The following NELL1 variants were observed in gnomAD, a reference collection of about 807,000 sequenced individuals.
The protein encoded by NELL1 is protein kinase C-binding protein NELL1.
NELL1 carries 76 observed loss-of-function variants against 107.4 expected under a neutral mutation model. The observed-to-expected ratio is 0.71, with a 90% CI of 0.59 to 0.86. The LOEUF is 0.86. NELL1 is among the 40% of genes least tolerant of loss of function. NELL1 has a pLI of 0.00. For synonymous variants in NELL1, 353 were observed against 341.2 expected (o/e 1.03, Z -0.38); for missense variants, 1,024 against 1,005.5 (o/e 1.02, Z -0.25).
intron 15 of NELL1, among the ~76,000 whole-genome samples, chr11:21,426,311 A>T (rs1020130868): frequency 6.6e-6 from 1 of 152,202 alleles, no homozygotes; most frequent in Non-Finnish European, 1.5e-5. Context: ...TGTCTCATTC[A>T]TCATTATATC....
intron 3 of NELL1, among the ~76,000 whole-genome samples, chr11:20,792,920 T>C (rs1401315635): frequency 6.6e-6 from 1 of 152,000 alleles, no homozygotes; most frequent in East Asian, 1.9e-4. Flanking sequence ...TTTGAGTTAA[T>C]TCAAGGCTTT....
At chr11:21,331,774 C>T (rs1294460321) in intron 14 of NELL1, among the ~76,000 whole-genome samples, 2 of 152,040 alleles carry the variant, frequency 1.3e-5, no homozygotes, top group Non-Finnish European at 2.9e-5. Flanking sequence ...TTTCCCAGTT[C>T]ACTCTGATAA....
At chr11:21,021,852 G>C (rs893587591) in intron 12 of NELL1, among the ~76,000 whole-genome samples, 1 of 152,052 alleles carries the variant, frequency 6.6e-6, no homozygotes, top group Admixed American at 6.6e-5. Context: ...TGCGTCCTTG[G>C]CAGCAGACTT....
intron 4 of NELL1, among the ~76,000 whole-genome samples, chr11:20,881,860 C>CCAGCA (rs1183408650): frequency 1.3e-5 from 2 of 152,190 alleles, no homozygotes; most frequent in African/African-American, 4.8e-5. Context: ...ATCCCCATAG[C>CCAGCA]CAGCACAGCA....
rs75687611 is a variant in NELL1 at position 21,473,569 on chromosome 11, A to C, written c.1646-60805A>C. ...GAGGGCACCTGTTTTTGTTTGAGGG[A>C]AGGAAGGGATACTTCAAATATTCCC... is the stretch of plus-strand genomic sequence containing the variant. On this transcript the variant is annotated intron_variant, in intron 15 of 19. Coordinates refer to ENST00000357134, the MANE Select transcript of NELL1 (RefSeq NM_006157.5). Among the ~76,000 whole-genome samples the C allele has an allele frequency of 7.9e-5, 12 of 152,156 alleles. No homozygotes were observed. The East Asian group carries it at 1.7e-3, about 22-fold the overall frequency.
At chr11:20,785,868 A>T (rs12224057) in intron 3 of NELL1, among the ~76,000 whole-genome samples, 43,550 of 151,818 alleles carry the variant, frequency 0.29, 7,035 homozygotes, top group African/African-American at 0.43. Flanking sequence ...CTGTATTTGC[A>T]GGGTTTCTCT....
intron 2 of NELL1, among the ~76,000 whole-genome samples, chr11:20,765,072 T>C (rs1856501888): frequency 6.6e-6 from 1 of 152,024 alleles, no homozygotes; most frequent in African/African-American, 2.4e-5. Context: ...GTAGGAGGAT[T>C]GCTTAATCCC....
chr11:20,802,944 T>C (rs1349201929), intron 3 of NELL1, among the ~76,000 whole-genome samples: 1 of 152,236 alleles, frequency 6.6e-6, no homozygotes, highest in East Asian at 1.9e-4. Flanking sequence ...ATGATCTTTT[T>C]AATGTATTGC....
At chr11:21,121,738 TC>T (rs1855372604) in intron 13 of NELL1, among the ~76,000 whole-genome samples, 1 of 152,014 alleles carries the variant, frequency 6.6e-6, no homozygotes, top group Non-Finnish European at 1.5e-5. Context: ...TGACTGGACT[TC>T]TCTACCTGTC....
At chr11:20,710,711 T>A (rs746860699) in intron 2 of NELL1, among the ~76,000 whole-genome samples, 1 of 152,174 alleles carries the variant, frequency 6.6e-6, no homozygotes, top group Non-Finnish European at 1.5e-5. Flanking sequence ...TGTTTCAATC[T>A]TGCTACTTGT....
intron 2 of NELL1, among the ~76,000 whole-genome samples, chr11:20,770,053 A>T (rs1011621349): frequency 2.6e-5 from 4 of 152,210 alleles, no homozygotes; most frequent in Admixed American, 2.6e-4. Flanking sequence ...ACCCTAGGAC[A>T]CGCAAGAACC....
intron 14 of NELL1, among the ~76,000 whole-genome samples, chr11:21,290,625 G>A (rs1439166937): frequency 6.6e-6 from 1 of 152,000 alleles, no homozygotes; most frequent in Non-Finnish European, 1.5e-5. Context: ...TGCCCCTCTG[G>A]GGCAAAGCTT....
intron 13 of NELL1, among the ~76,000 whole-genome samples, chr11:21,223,622 G>T (rs1857817386): frequency 6.6e-6 from 1 of 151,026 alleles, no homozygotes; most frequent in African/African-American, 2.4e-5. Flanking sequence ...TTTTCTGGTT[G>T]TTTTTTATAC....
At chr11:21,521,464 C>T (rs79854310) in intron 15 of NELL1, among the ~76,000 whole-genome samples, 4,869 of 152,126 alleles carry the variant, frequency 0.032, 265 homozygotes, top group African/African-American at 0.11. Flanking sequence ...GTTTATGCTA[C>T]AGTGATTGGG....
At chr11:20,680,742 T>C (rs1854170725) in intron 2 of NELL1, among the ~76,000 whole-genome samples, 1 of 152,270 alleles carries the variant, frequency 6.6e-6, no homozygotes, top group South Asian at 2.1e-4. Context: ...ATCGTTCATT[T>C]TTCATGAAGG....
chr11:20,708,537 A>G (rs145669274), intron 2 of NELL1, among the ~76,000 whole-genome samples: 246 of 151,550 alleles, frequency 1.6e-3, no homozygotes, highest in African/African-American at 5.6e-3. Flanking sequence ...AGAATTGTCT[A>G]TTCATGTCCT....
At chr11:20,920,028 G>A (rs897774265) in intron 7 of NELL1, among the ~76,000 whole-genome samples, 6 of 152,112 alleles carry the variant, frequency 3.9e-5, no homozygotes, top group Admixed American at 2.0e-4. Context: ...AGCCAAATGT[G>A]TAAACAACTA....
At chr11:20,670,636 G>GCAGC (rs1393692972) in intron 1 of NELL1, 2 of 152,288 alleles carry the variant, frequency 1.3e-5, no homozygotes, top group Non-Finnish European at 2.9e-5. Context: ...AGACTGGCTT[G>GCAGC]CAGCCGCCTT....
Position 21,485,905 on chromosome 11 carries a change from G to C in NELL1, c.1646-48469G>C, listed in dbSNP as rs145573993. On this transcript the variant is annotated intron_variant, in intron 15 of 19. Coordinates refer to ENST00000357134, the MANE Select transcript of NELL1 (RefSeq NM_006157.5). ...CCTAAACACTTTTCCCAGGGTTTGA[G>C]GTTATGCCAACCCAACTGCTGATAC... 5.1e-3 allele frequency among the ~76,000 whole-genome samples: 769 copies of C among 152,148 alleles called. 4 individuals are homozygous for C. Among genetic ancestry groups the C allele is most frequent in the African/African-American group, 0.018 (738 of 41,484 alleles).
Sources: allele counts gnomAD v4.1 joint callset (sites outside exome capture counted in the v4.1 genomes callset), GRCh38; gene constraint gnomAD v4.1.1; transcripts MANE v1.5; gene names NCBI Gene and HGNC (gene_info 2026-07-23, HGNC 2026-07-21).